The following RAB27B variants were observed in gnomAD, a reference collection of about 807,000 sequenced individuals.
The protein encoded by RAB27B is ras-related protein Rab-27B.
In RAB27B, 15 loss-of-function variants were observed where a neutral mutation model predicts 24.6. The ratio of observed to expected loss-of-function variants is 0.61; its 90% CI spans 0.41 to 0.94. RAB27B has a LOEUF of 0.94. Ranked by LOEUF, RAB27B falls within the 40% of genes least tolerant of loss-of-function variation. RAB27B has a pLI of 0.00. For synonymous variants in RAB27B, 105 were observed against 92.5 expected (o/e 1.14, Z -0.78); for missense variants, 261 against 266.8 (o/e 0.98, Z 0.15).
intron 2 of RAB27B, among the ~76,000 whole-genome samples, chr18:54,801,820 G>A (rs1315258042): frequency 6.6e-6 from 1 of 152,212 alleles, no homozygotes. Context: ...TGTTAAACCT[G>A]TGGATGATAT....
At chr18:54,887,233 G>T (rs1433815566) in intron 4 of RAB27B, among the ~76,000 whole-genome samples, 1 of 151,584 alleles carries the variant, frequency 6.6e-6, no homozygotes, top group East Asian at 1.9e-4. Context: ...GAAAGGAAAG[G>T]TAACAACTTC....
Position 54,877,726 on chromosome 18 carries a change from G to A in RAB27B, c.141G>A (p.Arg47=), listed in dbSNP as rs147108093. The change falls in exon 2 of 6, where the codon CGG becomes CGA. Residue 47 remains arginine, a synonymous_variant. Coordinates refer to ENST00000262094, the MANE Select transcript of RAB27B (RefSeq NM_004163.4). The stretch of plus-strand genomic sequence containing the variant: ...TCACTACAGTAGGAATAGACTTTCG[G>A]GAAAAACGTGTGGTGAGTTTTTAAT... ...KFITTVGIDF[R]EKRVVYNAQG... is the part of the protein sequence containing the mutation. 6.3e-7 allele frequency: 1 copy of A among 1,579,424 alleles called. No individual in the cohort carries two copies. The highest frequency in any genetic ancestry group is 1.4e-5 in the African/African-American group (1 of 72,454).
At chr18:54,868,138 G>T (rs373604644) in intron 1 of RAB27B, among the ~76,000 whole-genome samples, 3 of 152,090 alleles carry the variant, frequency 2.0e-5, no homozygotes, top group Admixed American at 2.0e-4. Context: ...AAATAAAAGT[G>T]GGAGAGATGC....
At chr18:54,748,592 C>A (rs1044230020) in intron 2 of RAB27B, among the ~76,000 whole-genome samples, 1 of 152,116 alleles carries the variant, frequency 6.6e-6, no homozygotes, top group Admixed American at 6.6e-5. Context: ...TGGTAAAATG[C>A]AGATAGATGG....
At chr18:54,772,221 G>T (rs1019505306) in intron 2 of RAB27B, among the ~76,000 whole-genome samples, 1 of 152,176 alleles carries the variant, frequency 6.6e-6, no homozygotes, top group Non-Finnish European at 1.5e-5. Context: ...GCCTGATGAG[G>T]TTTAGCCAAT....
intron 2 of RAB27B, among the ~76,000 whole-genome samples, chr18:54,736,991 G>A (rs1392239332): frequency 1.3e-5 from 2 of 152,058 alleles, no homozygotes; most frequent in Non-Finnish European, 2.9e-5. Context: ...TCCTTTTGTG[G>A]CAAAAAGAAA....
intron 2 of RAB27B, among the ~76,000 whole-genome samples, chr18:54,765,458 A>T (rs1412942051): frequency 6.6e-6 from 1 of 152,210 alleles, no homozygotes; most frequent in Non-Finnish European, 1.5e-5. Context: ...TTTGTTAAGC[A>T]AATATGCATT....
chr18:54,836,849 T>C (rs962619541), intron 1 of RAB27B, among the ~76,000 whole-genome samples: 1 of 152,102 alleles, frequency 6.6e-6, no homozygotes, highest in Non-Finnish European at 1.5e-5. Flanking sequence ...AGGAGCAAAA[T>C]TTCTGCCTGT....
intron 2 of RAB27B, among the ~76,000 whole-genome samples, chr18:54,730,503 G>A (rs1909694592): frequency 1.3e-5 from 2 of 151,882 alleles, no homozygotes; most frequent in South Asian, 4.2e-4. Flanking sequence ...GATATGGTTT[G>A]GATGTGTGTC....
chr18:54,888,627 AC>A (rs1913242529), intron 5 of RAB27B, among the ~76,000 whole-genome samples: 1 of 151,970 alleles, frequency 6.6e-6, no homozygotes, highest in Admixed American at 6.6e-5. Context: ...AAAAAAAAAA[AC>A]AGAAACAACA....
At chr18:54,743,769 T>C (rs1305462851) in intron 2 of RAB27B, among the ~76,000 whole-genome samples, 1 of 152,160 alleles carries the variant, frequency 6.6e-6, no homozygotes, top group Non-Finnish European at 1.5e-5. Context: ...TCATAGATCC[T>C]TGATAGAACT....
chr18:54,869,951 C>T (rs949085238), intron 1 of RAB27B, among the ~76,000 whole-genome samples: 4 of 151,996 alleles, frequency 2.6e-5, no homozygotes, highest in African/African-American at 4.8e-5. Context: ...GACCAATTAC[C>T]GAAGAAAACA....
rs1396771588 is a variant in RAB27B at position 54,890,986 on chromosome 18, C to A, written c.*1573C>A. On this transcript the variant is annotated 3_prime_UTR_variant, in exon 6 of 6. Coordinates refer to ENST00000262094, the MANE Select transcript of RAB27B (RefSeq NM_004163.4). The stretch of plus-strand genomic sequence containing the variant: ...CCAAATAACAAAGACAATATATTTT[C>A]GTTTTTTTTTATTATGAGCATATGA... 8.3e-5 allele frequency: 1 copy of A among 11,986 alleles called. No homozygotes were observed. The highest frequency in any genetic ancestry group is 1.2e-4 in the African/African-American group (1 of 8,050). 0.7% of individuals were successfully genotyped at this position (11,986 alleles called of 1,614,324 possible).
At chr18:54,743,356 A>G (rs983712118) in intron 2 of RAB27B, among the ~76,000 whole-genome samples, 12 of 152,214 alleles carry the variant, frequency 7.9e-5, no homozygotes, top group African/African-American at 2.9e-4. Flanking sequence ...AGGGGCTGAT[A>G]ATAGAGTTCC....
chr18:54,761,276 T>C (rs1027604718), intron 2 of RAB27B, among the ~76,000 whole-genome samples: 3 of 152,142 alleles, frequency 2.0e-5, no homozygotes, highest in Admixed American at 6.5e-5. Context: ...ATCAGTTTCC[T>C]TCCCTAAAAA....
At chr18:54,758,220 G>C (rs1012008833) in intron 2 of RAB27B, among the ~76,000 whole-genome samples, 3 of 152,040 alleles carry the variant, frequency 2.0e-5, no homozygotes, top group Admixed American at 6.6e-5. Flanking sequence ...CTGGTCATTT[G>C]ATGCAGACAC....
At chr18:54,813,119 C>G (rs1187116945) in intron 2 of RAB27B, among the ~76,000 whole-genome samples, 1 of 152,130 alleles carries the variant, frequency 6.6e-6, no homozygotes, top group Non-Finnish European at 1.5e-5. Context: ...ACTGCTGTGG[C>G]TGGAGAATAC....
chr18:54,805,823 T>C (rs992558926), intron 2 of RAB27B, among the ~76,000 whole-genome samples: 6 of 152,220 alleles, frequency 3.9e-5, no homozygotes, highest in African/African-American at 1.2e-4. Flanking sequence ...TTGGATCTTA[T>C]ATAGAGTAAT....
At chr18:54,880,677 G>A (rs967260763) in intron 3 of RAB27B, 2 of 152,096 alleles carry the variant, frequency 1.3e-5, no homozygotes, top group Non-Finnish European at 2.9e-5. Context: ...TCACAAAGAT[G>A]TATGTTTTAC....
Sources: allele counts gnomAD v4.1 joint callset (sites outside exome capture counted in the v4.1 genomes callset), GRCh38; gene constraint gnomAD v4.1.1; transcripts MANE v1.5; gene names NCBI Gene and HGNC (gene_info 2026-07-23, HGNC 2026-07-21).